The following UBE2E2 variants were observed in gnomAD, a reference collection of about 807,000 sequenced individuals.
UBE2E2 encodes ubiquitin-conjugating enzyme E2 E2.
In UBE2E2, 6 loss-of-function variants were observed where a neutral mutation model predicts 24.7. The ratio of observed to expected loss-of-function variants is 0.24; its 90% CI spans 0.13 to 0.48. UBE2E2 has a LOEUF of 0.48. Ranked by LOEUF, UBE2E2 falls within the 20% of genes least tolerant of loss-of-function variation. The pLI is 0.99. For missense variants in UBE2E2, 169 were observed against 245.0 expected, an observed-to-expected ratio of 0.69 and a Z score of 2.07; for synonymous variants, 104 against 83.6, an observed-to-expected ratio of 1.24 and a Z score of -1.33.
chr3:23,532,642 C>CT lies in UBE2E2; in HGVS notation c.452dup (p.Leu151PhefsTer5). The CT allele has an allele frequency of 6.3e-7, 1 of 1,575,874 alleles. No individual in the cohort carries two copies. The highest frequency in any genetic ancestry group is 8.7e-7 in the Non-Finnish European group (1 of 1,153,492). Reference sequence around the variant, plus strand: ...ATCTTAAAGGACAACTGGAGTCCGGCTTTAACTATTTCTAAAGTTCTCCTC... The same window carrying CT: ...ATCTTAAAGGACAACTGGAGTCCGGCTTTTAACTATTTCTAAAGTTCTCCTC... On this transcript the variant is annotated frameshift_variant, in exon 5 of 6. Coordinates refer to ENST00000396703, the MANE Select transcript of UBE2E2 (RefSeq NM_152653.4). LOFTEE classifies it high-confidence loss of function.
intron 3 of UBE2E2, among the ~76,000 whole-genome samples, chr3:23,426,624 A>T (rs1697933164): frequency 6.6e-6 from 1 of 152,162 alleles, no homozygotes; most frequent in Non-Finnish European, 1.5e-5. Flanking sequence ...CCAGCCAAAA[A>T]TTCCATACCC....
At position 23,218,287 on chromosome 3, in the gene UBE2E2, A is replaced by G. The variant is rs73821296; in HGVS notation, c.227+975A>G. 5.3e-3 allele frequency among the ~76,000 whole-genome samples: 812 copies of G among 152,272 alleles called. 9 individuals are homozygous for G. The highest frequency in any genetic ancestry group is 0.018 in the African/African-American group (737 of 41,560). Reference sequence around the variant, plus strand: ...ATATGGTTCTTCAAATGAATCATGTACAGTTTATAAACTTACAGTAATAAT... The same window carrying G: ...ATATGGTTCTTCAAATGAATCATGTGCAGTTTATAAACTTACAGTAATAAT... On this transcript the variant is annotated intron_variant, in intron 3 of 5. Coordinates refer to ENST00000396703, the MANE Select transcript of UBE2E2 (RefSeq NM_152653.4).
chr3:23,479,544 G>T (rs115373720), intron 3 of UBE2E2, among the ~76,000 whole-genome samples: 1 of 152,072 alleles, frequency 6.6e-6, no homozygotes, highest in Admixed American at 6.6e-5. Context: ...TGGGGGGTAG[G>T]GGGGGTATGT....
chr3:23,454,488 T>G (rs1698631523), intron 3 of UBE2E2, among the ~76,000 whole-genome samples: 1 of 152,206 alleles, frequency 6.6e-6, no homozygotes, highest in Admixed American at 6.5e-5. Context: ...TGCTACCTTG[T>G]ATCTTTAGTC....
chr3:23,306,168 A>G lies in UBE2E2; in HGVS notation c.227+88856A>G, dbSNP rs1388602780. ...AGAAACTAATTGAAGTTAACTTTTC[A>G]TTTTATAACAGTGATTGAAAATCAA... On this transcript the variant is annotated intron_variant, in intron 3 of 5. Transcript: ENST00000396703. Among the ~76,000 whole-genome samples, 5 of 152,358 alleles carry G rather than the reference A, an allele frequency of 3.3e-5. 1 individual carries two copies. Among genetic ancestry groups the G allele is most frequent in the Middle Eastern group, 6.8e-3 (2 of 294 alleles).
chr3:23,291,366 A>G (rs1698760827), intron 3 of UBE2E2, among the ~76,000 whole-genome samples: 1 of 152,230 alleles, frequency 6.6e-6, no homozygotes, highest in African/African-American at 2.4e-5. Context: ...TGATAACAAT[A>G]AACTGCTTAA....
chr3:23,428,928 TAAAAAAAAAAA>T (rs34525850), intron 3 of UBE2E2, among the ~76,000 whole-genome samples: 10 of 75,904 alleles, frequency 1.3e-4, no homozygotes, highest in African/African-American at 2.2e-4. Flanking sequence ...CTCTGTCTCT[TAAAAAAAAAAA>T]AAAAAAAAAA....
At chr3:23,494,890 T>C (rs1040135877) in intron 3 of UBE2E2, among the ~76,000 whole-genome samples, 1 of 151,822 alleles carries the variant, frequency 6.6e-6, no homozygotes, top group Non-Finnish European at 1.5e-5. Flanking sequence ...TTTCAGATAC[T>C]CCTCCCGAGT....
chr3:23,510,615 A>AT (rs1694574489), intron 4 of UBE2E2, among the ~76,000 whole-genome samples: 1 of 152,132 alleles, frequency 6.6e-6, no homozygotes, highest in Non-Finnish European at 1.5e-5. Flanking sequence ...AAAAAAAAAA[A>AT]TAAGATAAAA....
In UBE2E2 at chr3:23,561,010, G is replaced by C. The variant is rs200832134; in HGVS notation, c.508+28309G>C. On this transcript the variant is annotated intron_variant, in intron 5 of 5. Coordinates refer to ENST00000396703, the MANE Select transcript of UBE2E2 (RefSeq NM_152653.4). Reference sequence around the variant, plus strand: ...TAGATTACAAAAATTTTCTCCCATTGTGTAGGTTGCCTGTTCACTCTGCTG... The same window carrying C: ...TAGATTACAAAAATTTTCTCCCATTCTGTAGGTTGCCTGTTCACTCTGCTG... Among the ~76,000 whole-genome samples the C allele has an allele frequency of 7.1e-4, 108 of 152,164 alleles. 5 individuals carry two copies. In the East Asian group the frequency reaches 0.015, roughly 22 times the overall value.
chr3:23,265,721 G>A (rs1393905662), intron 3 of UBE2E2, among the ~76,000 whole-genome samples: 1 of 152,130 alleles, frequency 6.6e-6, no homozygotes, highest in African/African-American at 2.4e-5. Context: ...CCCACTTGGA[G>A]GTCTGTCTAA....
intron 3 of UBE2E2, among the ~76,000 whole-genome samples, chr3:23,424,689 C>A (rs1697883287): frequency 6.6e-6 from 1 of 151,990 alleles, no homozygotes; most frequent in Admixed American, 6.6e-5. Flanking sequence ...AAAATGATGT[C>A]AGTTTGATTT....
intron 5 of UBE2E2, among the ~76,000 whole-genome samples, chr3:23,538,841 A>T (rs1433468403): frequency 6.6e-6 from 1 of 152,210 alleles, no homozygotes; most frequent in Non-Finnish European, 1.5e-5. Context: ...CAAATTTTAA[A>T]TGATATTAAA....
intron 3 of UBE2E2, among the ~76,000 whole-genome samples, chr3:23,497,929 T>C (rs1699639266): frequency 1.3e-5 from 2 of 152,206 alleles, no homozygotes; most frequent in African/African-American, 4.8e-5. Flanking sequence ...GTTCTAGTTT[T>C]TCCACATCCT....
chr3:23,432,081 C>T (rs914919517), intron 3 of UBE2E2, among the ~76,000 whole-genome samples: 3 of 152,160 alleles, frequency 2.0e-5, no homozygotes, highest in Non-Finnish European at 2.9e-5. Context: ...AAATGTTCTG[C>T]AGCTATATCC....
In UBE2E2 at chr3:23,258,127, A is replaced by T. The variant is rs1407332126; in HGVS notation, c.227+40815A>T. Among the ~76,000 whole-genome samples, 7 of 152,324 alleles carry T rather than the reference A, an allele frequency of 4.6e-5. No individual in the cohort carries two copies. The East Asian group carries it at 1.3e-3, about 29-fold the overall frequency. On this transcript the variant is annotated intron_variant, in intron 3 of 5. Coordinates refer to ENST00000396703, the MANE Select transcript of UBE2E2 (RefSeq NM_152653.4). ...GGGATTGGAATGCTAGCAGGATGGA[A>T]TGGCAACTAAATATGCAAGATGAGA...
At chr3:23,429,943 C>T (rs535925555) in intron 3 of UBE2E2, among the ~76,000 whole-genome samples, 3 of 152,286 alleles carry the variant, frequency 2.0e-5, no homozygotes, top group Non-Finnish European at 2.9e-5. Context: ...TGCAGTGGCA[C>T]GATCTTGGCT....
chr3:23,452,509 G>A (rs778851006), intron 3 of UBE2E2, among the ~76,000 whole-genome samples: 5 of 152,098 alleles, frequency 3.3e-5, no homozygotes, highest in Admixed American at 6.6e-5. Context: ...TGTAAAAGTC[G>A]TGTTTATAAA....
intron 3 of UBE2E2, among the ~76,000 whole-genome samples, chr3:23,418,100 G>A (rs1297785301): frequency 6.6e-6 from 1 of 152,102 alleles, no homozygotes; most frequent in African/African-American, 2.4e-5. Context: ...GGCACCACTG[G>A]GGTATGAAAA....
Sources: allele counts gnomAD v4.1 joint callset (sites outside exome capture counted in the v4.1 genomes callset), GRCh38; gene constraint gnomAD v4.1.1; transcripts MANE v1.5; gene names NCBI Gene and HGNC (gene_info 2026-07-23, HGNC 2026-07-21).